BMERB1: variants seen among roughly 807,000 people sequenced by gnomAD.
BMERB1 encodes bMERB domain-containing protein 1.
BMERB1 carries 12 observed loss-of-function variants against 23.6 expected under a neutral mutation model. The observed-to-expected ratio is 0.51, with a 90% CI of 0.33 to 0.82. BMERB1 has a LOEUF of 0.82. Among genes scored for constraint, BMERB1 ranks in the 40% least tolerant of loss-of-function variants. The pLI, the probability that BMERB1 is intolerant of heterozygous loss-of-function variation, is 0.03. For missense variants in BMERB1, 247 were observed against 255.4 expected (o/e 0.97, Z 0.22); for synonymous variants, 122 against 96.6 (o/e 1.26, Z -1.54).
At chr16:15,444,130 T>G (rs996047612) in intron 1 of BMERB1, among the ~76,000 whole-genome samples, 41 of 111,234 alleles carry the variant, frequency 3.7e-4, no homozygotes, top group Admixed American at 1.5e-3. Context: ...TTTGTTTTTT[T>G]TTTTTTTTTT....
intron 2 of BMERB1, among the ~76,000 whole-genome samples, chr16:15,525,024 TC>T (rs1432629656): frequency 6.6e-6 from 1 of 152,158 alleles, no homozygotes; most frequent in Admixed American, 6.5e-5. Context: ...GCCACAGGGT[TC>T]CCAGATGTTT....
chr16:15,510,921 C>G (rs1415892638), intron 1 of BMERB1, among the ~76,000 whole-genome samples: 2 of 152,046 alleles, frequency 1.3e-5, no homozygotes, highest in African/African-American at 2.4e-5. Flanking sequence ...ACACTGGTCT[C>G]GAACTCCTGA....
chr16:15,570,140 C>A (rs1308478924), intron 3 of BMERB1, among the ~76,000 whole-genome samples: 1 of 152,142 alleles, frequency 6.6e-6, no homozygotes, highest in African/African-American at 2.4e-5. Context: ...CCCACCATTA[C>A]CCTTGACTTG....
intron 1 of BMERB1, among the ~76,000 whole-genome samples, chr16:15,455,649 A>G (rs890513260): frequency 6.6e-6 from 1 of 151,678 alleles, no homozygotes; most frequent in Non-Finnish European, 1.5e-5. Context: ...TTTAGTAGAG[A>G]CAGGGTTTCT....
chr16:15,538,426 T>G (rs1598504547), intron 2 of BMERB1, among the ~76,000 whole-genome samples: 1 of 151,662 alleles, frequency 6.6e-6, no homozygotes, highest in East Asian at 1.9e-4. Flanking sequence ...CACTCCAGCC[T>G]GGGTGACAGA....
intron 1 of BMERB1, among the ~76,000 whole-genome samples, chr16:15,452,319 A>G (rs1433928891): frequency 9.8e-5 from 3 of 30,586 alleles, no homozygotes; most frequent in African/African-American, 2.1e-4. Context: ...GAAGGGAGAG[A>G]GAGGGAGGGA....
chr16:15,559,475 G>T (rs2030358434), intron 2 of BMERB1, among the ~76,000 whole-genome samples: 1 of 152,216 alleles, frequency 6.6e-6, no homozygotes, highest in Non-Finnish European at 1.5e-5. Context: ...ACTTACCAGT[G>T]CAGAGCTTTG....
At chr16:15,573,827 G>C (rs369738540) in intron 3 of BMERB1, among the ~76,000 whole-genome samples, 19 of 149,960 alleles carry the variant, frequency 1.3e-4, no homozygotes, top group Admixed American at 4.7e-4. Flanking sequence ...GCATAGCTGG[G>C]GAAGCCTCAG....
At chr16:15,491,301 C>T (rs1339770876) in intron 1 of BMERB1, among the ~76,000 whole-genome samples, 1 of 152,164 alleles carries the variant, frequency 6.6e-6, no homozygotes. Context: ...TATTTCTATA[C>T]TTGCTCCCTT....
intron 1 of BMERB1, among the ~76,000 whole-genome samples, chr16:15,489,739 G>A (rs2051401984): frequency 6.6e-6 from 1 of 152,068 alleles, no homozygotes; most frequent in Non-Finnish European, 1.5e-5. Context: ...CATTTACTCT[G>A]CTCCTCCCAC....
chr16:15,586,451 A>T (rs1224211894), intron 5 of BMERB1, among the ~76,000 whole-genome samples: 1 of 152,224 alleles, frequency 6.6e-6, no homozygotes, highest in East Asian at 1.9e-4. Context: ...TACAATGATG[A>T]TAACAGCTGA....
chr16:15,449,498 A>G (rs80210497), intron 1 of BMERB1, among the ~76,000 whole-genome samples: 12,098 of 152,020 alleles, frequency 0.08, 826 homozygotes, highest in Admixed American at 0.2. Flanking sequence ...AAACCTGCAC[A>G]TGTACCTCCT....
In BMERB1 at chr16:15,560,952, CTTTTTTTTTT is replaced by C. The variant is rs1166759122; in HGVS notation, c.231-7018_231-7009del. 1.9e-5 allele frequency among the ~76,000 whole-genome samples: 2 copies of C among 106,654 alleles called. 1 individual carries two copies. Among genetic ancestry groups the C allele is most frequent in the Non-Finnish European group, 3.7e-5 (2 of 54,664 alleles). 70.0% of individuals were successfully genotyped at this position (106,654 alleles called of 152,430 possible). On this transcript the variant is annotated intron_variant, in intron 2 of 5. Coordinates refer to ENST00000300006, the MANE Select transcript of BMERB1 (RefSeq NM_033201.3). ...TTTCTCTTTCCTTTTTTCTCTGCTG[CTTTTTTTTTT>C]TTTTTTTTTTTTGAGACGGAGTCTC...
chr16:15,553,124 C>T (rs1268592003), intron 2 of BMERB1, among the ~76,000 whole-genome samples: 3 of 152,208 alleles, frequency 2.0e-5, no homozygotes, highest in Non-Finnish European at 2.9e-5. Context: ...TCTCCTGCCT[C>T]GGCTTCCCGA....
At position 15,587,568 on chromosome 16, in the gene BMERB1, C is replaced by G; in HGVS notation, c.*739C>G. The G allele has an allele frequency of 2.2e-6, 1 of 452,236 alleles. No homozygotes were observed. Among genetic ancestry groups the G allele is most frequent in the Non-Finnish European group, 4.5e-6 (1 of 224,166 alleles). The allele number at this position is 452,236 out of a possible 1,614,324, so 28.0% of individuals were successfully genotyped here. A position where few individuals can be genotyped will look rare whatever the true frequency, so the allele number is the denominator to read the frequency against. ...AGTGTGCAGAAGAGCCAGCAGGGAACCGGAAGCTCTGATGTCAAGGCCAGA... is the reference window on the plus strand; with the variant it reads ...AGTGTGCAGAAGAGCCAGCAGGGAAGCGGAAGCTCTGATGTCAAGGCCAGA... On this transcript the variant is annotated 3_prime_UTR_variant, in exon 6 of 6. Transcript: ENST00000300006.
rs573682444 is a variant in BMERB1, at chr16:15,534,130, T to G, written c.230+18702T>G. On this transcript the variant is annotated intron_variant, in intron 2 of 5. Coordinates refer to ENST00000300006, the MANE Select transcript of BMERB1 (RefSeq NM_033201.3). ...CATTTGAGGAGCAATACAATGAGGA[T>G]CACAAAAAGGGTGTCATTGATCTCT... Among the ~76,000 whole-genome samples, 57 of 151,616 alleles carry G rather than the reference T, an allele frequency of 3.8e-4. 2 individuals are homozygous for G. The highest frequency in any genetic ancestry group is 1.4e-3 in the African/African-American group (57 of 41,326).
chr16:15,528,481 T>C (rs984753851), intron 2 of BMERB1, among the ~76,000 whole-genome samples: 73 of 152,152 alleles, frequency 4.8e-4, no homozygotes, highest in African/African-American at 1.7e-3. Context: ...GTTAGCATGA[T>C]AAAGCCCATG....
intron 1 of BMERB1, among the ~76,000 whole-genome samples, chr16:15,457,494 G>A (rs2051095946): frequency 6.6e-6 from 1 of 152,138 alleles, no homozygotes. Flanking sequence ...CTCTGCTTAA[G>A]TCCATCAGGA....
chr16:15,516,496 T>C (rs1001678894), intron 2 of BMERB1, among the ~76,000 whole-genome samples: 2 of 152,094 alleles, frequency 1.3e-5, no homozygotes, highest in African/African-American at 4.8e-5. Flanking sequence ...AAAATTGGGC[T>C]TTTGCCGACA....
Sources: allele counts gnomAD v4.1 joint callset (sites outside exome capture counted in the v4.1 genomes callset), GRCh38; gene constraint gnomAD v4.1.1; transcripts MANE v1.5; gene names NCBI Gene and HGNC (gene_info 2026-07-23, HGNC 2026-07-21).